PDIA5: variants seen among roughly 807,000 people sequenced by gnomAD.
PDIA5 encodes protein disulfide isomerase family A member 5, also known as protein disulfide-isomerase A5.
A neutral mutation model predicts 77.6 loss-of-function variants in PDIA5; 58 were observed. The ratio of observed to expected loss-of-function variants is 0.75; its 90% CI spans 0.61 to 0.93. The LOEUF is 0.93. Among genes scored for constraint, PDIA5 ranks in the 40% least tolerant of loss-of-function variants. The pLI, the probability that PDIA5 is intolerant of heterozygous loss-of-function variation, is 0.00. For missense variants in PDIA5, 630 were observed against 647.7 expected (o/e 0.97, Z 0.30); for synonymous variants, 250 against 252.1 (o/e 0.99, Z 0.08).
intron 1 of PDIA5, among the ~76,000 whole-genome samples, chr3:123,080,035 G>C (rs957415176): frequency 4.6e-5 from 7 of 152,210 alleles, no homozygotes; most frequent in African/African-American, 1.7e-4. Context: ...TGAGGTGGCA[G>C]TGTCTAGACA....
intron 10 of PDIA5, 60 bp from the exon 11 acceptor site, chr3:123,130,420 T>C: frequency 6.5e-7 from 1 of 1,546,516 alleles, no homozygotes; most frequent in Non-Finnish European, 8.7e-7. Context: ...GGCCTGGAAT[T>C]AGAAGGGCTG....
intron 1 of PDIA5, 116 bp from the exon 2 acceptor site, chr3:123,089,052 G>T (rs989199924): frequency 2.1e-6 from 2 of 957,446 alleles, no homozygotes. Flanking sequence ...AGATGTGTTG[G>T]TTTGCCCTCA....
chr3:123,117,472 G>A (rs752978438), intron 8 of PDIA5, among the ~76,000 whole-genome samples: 9 of 147,656 alleles, frequency 6.1e-5, no homozygotes, highest in South Asian at 2.2e-4. Flanking sequence ...CGATCTTCCC[G>A]TCTTAGCCTC....
rs866848717 is a variant in PDIA5, at chr3:123,130,580, G to T, written c.874G>T (p.Glu292Ter). ...TGAAGACTTTGACCAGTTTGTGAAG[G>T]AACACTCCTCTGTCCTCGTCATGTT... ...TDEDFDQFVK[E>*]HSSVLVMFHA... is the part of the protein sequence containing the mutation. Residue 292 changes from glutamate (E) to a stop codon, truncating the protein, a stop_gained, in exon 11 of 17, where the codon GAA (glutamate) becomes TAA (stop). Coordinates refer to ENST00000316218, the MANE Select transcript of PDIA5 (RefSeq NM_006810.4). LOFTEE classifies it high-confidence loss of function. 18 of 1,614,054 alleles carry T rather than the reference G, an allele frequency of 1.1e-5. No individual in the cohort carries two copies. The highest frequency in any genetic ancestry group is 1.4e-5 in the Non-Finnish European group (17 of 1,180,022).
intron 1 of PDIA5, among the ~76,000 whole-genome samples, chr3:123,079,212 A>G (rs1393958153): frequency 8.5e-6 from 1 of 117,096 alleles, no homozygotes; most frequent in East Asian, 2.3e-4. Context: ...ATGGAGTCTC[A>G]CTCTGTCGCT....
chr3:123,121,673 G>C (rs934836838), intron 8 of PDIA5, among the ~76,000 whole-genome samples: 5 of 152,216 alleles, frequency 3.3e-5, no homozygotes, highest in Admixed American at 1.3e-4. Flanking sequence ...GCCTCAGTAA[G>C]GGGACTGGAA....
intron 12 of PDIA5, 28 bp downstream of exon 12, chr3:123,145,620 G>A (rs143284731): frequency 2.6e-5 from 41 of 1,561,832 alleles, no homozygotes; most frequent in African/African-American, 1.9e-4. Flanking sequence ...CCCCCTCACC[G>A]TTCTCTTTGA....
rs532110591 is a variant in PDIA5 at position 123,161,869 on chromosome 3, C to A, written c.1480-11C>A. The A allele has an allele frequency of 2.6e-6, 4 of 1,534,564 alleles. No individual in the cohort carries two copies. Among genetic ancestry groups the A allele is most frequent in the Admixed American group, 3.3e-5 (2 of 59,770 alleles). ...GCTCTTTCTCTCTCTCTCTCTCCCA[C>A]TTCCCTGCAGGAATTGGGATTTACC... On this transcript the variant is annotated splice_polypyrimidine_tract_variant and intron_variant, in intron 16 of 16. Coordinates refer to ENST00000316218, the MANE Select transcript of PDIA5 (RefSeq NM_006810.4).
intron 1 of PDIA5, among the ~76,000 whole-genome samples, chr3:123,077,376 A>G (rs544416930): frequency 2.0e-5 from 3 of 152,320 alleles, no homozygotes; most frequent in South Asian, 2.1e-4. Context: ...TATTGTTATC[A>G]TGGGCTAATC....
chr3:123,114,280 T>C (rs1469521832), intron 7 of PDIA5, among the ~76,000 whole-genome samples: 1 of 152,198 alleles, frequency 6.6e-6, no homozygotes, highest in Non-Finnish European at 1.5e-5. Context: ...AGGCTGCAGG[T>C]GTCCCCCCTT....
At chr3:123,096,466 G>A (rs1257587282) in intron 3 of PDIA5, among the ~76,000 whole-genome samples, 1 of 152,122 alleles carries the variant, frequency 6.6e-6, no homozygotes. Flanking sequence ...TGGGATTACA[G>A]GCATGCGCCA....
chr3:123,074,564 G>T (rs1355464985), intron 1 of PDIA5, among the ~76,000 whole-genome samples: 1 of 152,118 alleles, frequency 6.6e-6, no homozygotes, highest in Non-Finnish European at 1.5e-5. Flanking sequence ...AAAGATCAAA[G>T]GTACAAGCTT....
chr3:123,102,058 T>C (rs1383265223), intron 3 of PDIA5, among the ~76,000 whole-genome samples: 4 of 151,908 alleles, frequency 2.6e-5, no homozygotes, highest in Non-Finnish European at 5.9e-5. Flanking sequence ...TACAGGCACG[T>C]ACCACCACAC....
intron 1 of PDIA5, among the ~76,000 whole-genome samples, chr3:123,071,750 C>T (rs1010263196): frequency 5.9e-5 from 9 of 152,106 alleles, no homozygotes; most frequent in Non-Finnish European, 1.3e-4. Flanking sequence ...GGACTGGCCT[C>T]ACAAGGAGGG....
intron 1 of PDIA5, among the ~76,000 whole-genome samples, chr3:123,068,422 C>G (rs1441400780): frequency 6.6e-6 from 1 of 152,204 alleles, no homozygotes; most frequent in African/African-American, 2.4e-5. Context: ...TGTGTTCTCC[C>G]TCTTGGGGAG....
intron 3 of PDIA5, among the ~76,000 whole-genome samples, chr3:123,101,686 T>C (rs1934600447): frequency 6.6e-6 from 1 of 152,138 alleles, no homozygotes; most frequent in Non-Finnish European, 1.5e-5. Flanking sequence ...AGATTCCAAA[T>C]TGATAATCAG....
chr3:123,145,450 A>G (rs933614163), intron 11 of PDIA5, 72 bp from the exon 12 acceptor site: 15 of 1,123,772 alleles, frequency 1.3e-5, no homozygotes, highest in Non-Finnish European at 2.0e-5. Flanking sequence ...GCTGCCTTAC[A>G]GAGGCGGCGC....
chr3:123,073,131 C>A (rs1933768279), intron 1 of PDIA5, among the ~76,000 whole-genome samples: 1 of 152,154 alleles, frequency 6.6e-6, no homozygotes. Context: ...TTGTAGAGGG[C>A]TTGAGAGTTT....
intron 1 of PDIA5, among the ~76,000 whole-genome samples, chr3:123,087,649 A>G (rs186667513): frequency 6.0e-4 from 91 of 151,674 alleles, no homozygotes; most frequent in African/African-American, 2.1e-3. Context: ...CTGTTCTTTT[A>G]ATTTTCTTTT....
Sources: allele counts gnomAD v4.1 joint callset (sites outside exome capture counted in the v4.1 genomes callset), GRCh38; gene constraint gnomAD v4.1.1; transcripts MANE v1.5; gene names NCBI Gene and HGNC (gene_info 2026-07-23, HGNC 2026-07-21).